Variants in CAV1 observed in about 807,000 individuals in gnomAD.
CAV1 encodes the protein caveolin 1.
A neutral mutation model predicts 16.5 loss-of-function variants in CAV1; 10 were observed. The observed-to-expected ratio is 0.61, with a 90% CI of 0.37 to 1.03. The LOEUF is 1.03. Ranked by LOEUF, CAV1 falls within the 50% of genes least tolerant of loss-of-function variation. The pLI is 0.01. For missense variants in CAV1, 212 were observed against 232.8 expected, an observed-to-expected ratio of 0.91 and a Z score of 0.58; for synonymous variants, 76 against 85.1, an observed-to-expected ratio of 0.89 and a Z score of 0.59.
Position 116,559,758 on chromosome 7 carries a change from G to C in CAV1, c.*471G>C. On this transcript the variant is annotated 3_prime_UTR_variant, in exon 3 of 3. Coordinates refer to ENST00000341049, the MANE Select transcript of CAV1 (RefSeq NM_001753.5). ...ATTTTCAGCAAACTCTTTTCCCACT[G>C]TTTAAGGAGTTAGTGGATTACTGCC... is the stretch of plus-strand genomic sequence containing the variant. 4.7e-6 allele frequency: 2 copies of C among 427,896 alleles called. No individual in the cohort carries two copies. Among genetic ancestry groups the C allele is most frequent in the South Asian group, 1.8e-4 (2 of 11,298 alleles). 26.5% of individuals were successfully genotyped at this position (427,896 alleles called of 1,614,324 possible). A position where few individuals can be genotyped will look rare whatever the true frequency, so the allele number is the denominator to read the frequency against.
At chr7:116,532,709 G>T (rs531968454) in intron 2 of CAV1, among the ~76,000 whole-genome samples, 1 of 152,326 alleles carries the variant, frequency 6.6e-6, no homozygotes, top group South Asian at 2.1e-4. Flanking sequence ...AGTGCAAGAG[G>T]ATTGTGCCAA....
At position 116,543,728 on chromosome 7, in the gene CAV1, A is replaced by C. The variant is rs116101493; in HGVS notation, c.196-15218A>C. Among the ~76,000 whole-genome samples, 682 of 152,368 alleles carry C rather than the reference A, an allele frequency of 4.5e-3. 5 individuals carry two copies. The highest frequency in any genetic ancestry group is 0.016 in the African/African-American group (662 of 41,588). ...AACTTTAGTTAGAGCAGTGGCCTTA[A>C]GAAGGTCTAGCTAAATAAAAAGTGC... On this transcript the variant is annotated intron_variant, in intron 2 of 2. Coordinates refer to ENST00000341049, the MANE Select transcript of CAV1 (RefSeq NM_001753.5).
At chr7:116,541,074 T>G (rs1793926807) in intron 2 of CAV1, among the ~76,000 whole-genome samples, 1 of 152,208 alleles carries the variant, frequency 6.6e-6, no homozygotes, top group Non-Finnish European at 1.5e-5. Context: ...CTAAATAATT[T>G]AATGATAATT....
chr7:116,529,752 TA>T (rs1793644837), intron 2 of CAV1, among the ~76,000 whole-genome samples: 1 of 152,236 alleles, frequency 6.6e-6, no homozygotes, highest in African/African-American at 2.4e-5. Flanking sequence ...CTCATCTTAC[TA>T]AAAGCTTGCT....
At chr7:116,561,176 TAAAC>T (rs1308925310) in exon 3 of CAV1, 1 of 152,414 alleles carries the variant, frequency 6.6e-6, no homozygotes, top group Non-Finnish European at 1.5e-5. Flanking sequence ...GTTTAACGGT[TAAAC>T]AGTCAGCTTT....
chr7:116,554,330 C>T (rs7789117), intron 2 of CAV1, among the ~76,000 whole-genome samples: 40,230 of 152,040 alleles, frequency 0.26, 5,451 homozygotes, highest in African/African-American at 0.32. Flanking sequence ...TCCGTGTTCA[C>T]ACCGTGGAAA....
chr7:116,559,686 G>C lies in CAV1; in HGVS notation c.*399G>C, dbSNP rs1422968980. On this transcript the variant is annotated 3_prime_UTR_variant, in exon 3 of 3. Coordinates refer to ENST00000341049, the MANE Select transcript of CAV1 (RefSeq NM_001753.5). ...AAAATGTTGGTCATTTTATGTTAAG[G>C]GAAGAATTCCAGGGTATGGCCATGG... The C allele has an allele frequency of 1.9e-6, 1 of 523,738 alleles. No individual in the cohort carries two copies. Among genetic ancestry groups the C allele is most frequent in the African/African-American group, 2.0e-5 (1 of 50,692 alleles). The allele number at this position is 523,738 out of a possible 1,614,324, so 32.4% of individuals were successfully genotyped here. A position where few individuals can be genotyped will look rare whatever the true frequency, so the allele number is the denominator to read the frequency against.
chr7:116,530,399 G>GAT (rs1793665288), intron 2 of CAV1, among the ~76,000 whole-genome samples: 1 of 151,934 alleles, frequency 6.6e-6, no homozygotes, highest in African/African-American at 2.4e-5. Context: ...TAATATATAT[G>GAT]ATAAGGAATC....
chr7:116,526,800 A>ACG (rs1383625244), intron 2 of CAV1, 111 bp downstream of exon 2: 70 of 1,141,722 alleles, frequency 6.1e-5, no homozygotes, highest in Non-Finnish European at 8.2e-5. Context: ...CGCCCCCTAC[A>ACG]CGCGCACACA....
chr7:116,549,607 T>C (rs1293713757), intron 2 of CAV1, among the ~76,000 whole-genome samples: 1 of 152,124 alleles, frequency 6.6e-6, no homozygotes, highest in African/African-American at 2.4e-5. Flanking sequence ...TAAAATAAAA[T>C]AATGGGATAA....
At position 116,559,108 on chromosome 7, in the gene CAV1, G is replaced by A. The variant is rs369262127; in HGVS notation, c.358G>A (p.Ala120Thr). The A allele has an allele frequency of 3.3e-5, 53 of 1,613,804 alleles. No individual in the cohort carries two copies. The African/African-American group carries it at 3.5e-4, about 11-fold the overall frequency. ...GGCACTCATCTGGGGCATTTACTTC[G>A]CCATTCTCTCTTTCCTGCACATCTG... Reference protein sequence around the residue: ...PMALIWGIYFAILSFLHIWAV... With the variant: ...PMALIWGIYFTILSFLHIWAV... Residue 120 changes from alanine to threonine, a missense_variant, in exon 3 of 3, where the codon GCC becomes ACC. Transcript: ENST00000341049.
rs1260729734 is a variant in CAV1 at position 116,526,588 on chromosome 7, A to G, written c.94A>G (p.Met32Val). 1.2e-6 allele frequency: 2 copies of G among 1,614,184 alleles called. No individual in the cohort carries two copies. The highest frequency in any genetic ancestry group is 1.7e-6 in the Non-Finnish European group (2 of 1,180,034). The change falls in exon 2 of 3, where the codon ATG becomes GTG. Residue 32 changes from methionine (M) to valine (V), a missense_variant. By Grantham distance (21) the Met-to-Val change is conservative. Coordinates refer to ENST00000341049, the MANE Select transcript of CAV1 (RefSeq NM_001753.5). ...CATCTACAAGCCCAACAACAAGGCC[A>G]TGGCAGACGAGCTGAGCGAGAAGCA... ...GNIYKPNNKA[M>V]ADELSEKQVY...
chr7:116,543,468 T>C (rs1793978260), intron 2 of CAV1, among the ~76,000 whole-genome samples: 1 of 152,146 alleles, frequency 6.6e-6, no homozygotes, highest in African/African-American at 2.4e-5. Flanking sequence ...AGATCAAGAG[T>C]TGGAGTTCAT....
At chr7:116,526,421 G>T in intron 1 of CAV1, 104 bp from the exon 2 acceptor site, 1 of 1,578,626 alleles carries the variant, frequency 6.3e-7, no homozygotes, top group Non-Finnish European at 8.6e-7. Context: ...GGTTTCCCCC[G>T]CCGCCAGGCT....
At chr7:116,548,095 G>A (rs1223887299) in intron 2 of CAV1, among the ~76,000 whole-genome samples, 1 of 152,120 alleles carries the variant, frequency 6.6e-6, no homozygotes, top group Non-Finnish European at 1.5e-5. Context: ...AGGTATCCTT[G>A]TTTCTCAAAG....
At chr7:116,553,669 T>G (rs1794207560) in intron 2 of CAV1, among the ~76,000 whole-genome samples, 1 of 152,274 alleles carries the variant, frequency 6.6e-6, no homozygotes, top group African/African-American at 2.4e-5. Flanking sequence ...ATTCTTGTTC[T>G]GCTCATATTC....
intron 2 of CAV1, among the ~76,000 whole-genome samples, chr7:116,534,989 G>C (rs769032681): frequency 2.6e-5 from 4 of 152,138 alleles, no homozygotes; most frequent in Non-Finnish European, 5.9e-5. Flanking sequence ...AAATCAACTT[G>C]CTCAATGGTT....
At chr7:116,536,939 C>G (rs921367875) in intron 2 of CAV1, among the ~76,000 whole-genome samples, 1 of 137,166 alleles carries the variant, frequency 7.3e-6, no homozygotes, top group Non-Finnish European at 1.5e-5. Context: ...GGAAGCGGAG[C>G]TTGCAGTGAG....
rs189461775 is a variant in CAV1, at chr7:116,532,523, A to G, written c.195+5834A>G. Reference sequence around the variant, plus strand: ...AGATGGTTTATTCCAAGATACACACACTCTTCTTCCACACCCTGGAGACCT... The same window carrying G: ...AGATGGTTTATTCCAAGATACACACGCTCTTCTTCCACACCCTGGAGACCT... On this transcript the variant is annotated intron_variant, in intron 2 of 2. Coordinates refer to ENST00000341049, the MANE Select transcript of CAV1 (RefSeq NM_001753.5). Among the ~76,000 whole-genome samples the G allele has an allele frequency of 1.3e-3, 193 of 152,022 alleles. 2 individuals carry two copies. Among genetic ancestry groups the G allele is most frequent in the Admixed American group, 5.7e-3 (87 of 15,282 alleles).
Sources: allele counts gnomAD v4.1 joint callset (sites outside exome capture counted in the v4.1 genomes callset), GRCh38; gene constraint gnomAD v4.1.1; transcripts MANE v1.5; gene names NCBI Gene and HGNC (gene_info 2026-07-23, HGNC 2026-07-21).